CACNA1D: variants seen among roughly 807,000 people sequenced by gnomAD.
CACNA1D encodes the protein calcium voltage-gated channel subunit alpha1 D.
CACNA1D carries 55 observed loss-of-function variants against 257.1 expected under a neutral mutation model. The ratio of observed to expected loss-of-function variants is 0.21; its 90% CI spans 0.17 to 0.27. The LOEUF (loss-of-function observed/expected upper bound fraction) is 0.27, where lower values mean the gene tolerates loss of function less well. Among genes scored for constraint, CACNA1D ranks in the 10% least tolerant of loss-of-function variants. The pLI is 1.00. For synonymous variants in CACNA1D, 980 were observed against 1,014.9 expected, an observed-to-expected ratio of 0.97 and a Z score of 0.65; for missense variants, 1,876 against 2,784.0, an observed-to-expected ratio of 0.67 and a Z score of 7.34.
chr3:53,732,213 G>T (rs2095001021), intron 18 of CACNA1D, 131 bp downstream of exon 18: 1 of 733,598 alleles, frequency 1.4e-6, no homozygotes. Context: ...CAAGGCCGTG[G>T]GACCAGTTAG....
rs145596013 is a variant in CACNA1D at position 53,803,877 on chromosome 3, G to A, written c.5585+305G>A. Among the ~76,000 whole-genome samples, 900 of 152,326 alleles carry A rather than the reference G, an allele frequency of 5.9e-3. 8 individuals carry two copies. Among genetic ancestry groups the A allele is most frequent in the African/African-American group, 0.02 (841 of 41,574 alleles). ...CTGGGTTAATGCCTTTCCACCACCC[G>A]TCTTTGGAGAGATCAGTTTTTGCTG... On this transcript the variant is annotated intron_variant, in intron 44 of 47. Coordinates refer to ENST00000350061, the MANE Select transcript of CACNA1D (RefSeq NM_001128840.3).
intron 14 of CACNA1D, 78 bp downstream of exon 14, chr3:53,724,077 C>T (rs2094907846): frequency 8.7e-7 from 1 of 1,145,848 alleles, no homozygotes; most frequent in South Asian, 1.2e-5. Flanking sequence ...TCTGCTCACA[C>T]TCAGGAAGAC....
At chr3:53,532,531 A>G (rs2091982209) in intron 3 of CACNA1D, among the ~76,000 whole-genome samples, 1 of 152,178 alleles carries the variant, frequency 6.6e-6, no homozygotes, top group South Asian at 2.1e-4. Flanking sequence ...GAAGAGAATG[A>G]AGAGATGGAT....
chr3:53,641,196 T>C (rs2093946292), intron 3 of CACNA1D, among the ~76,000 whole-genome samples: 1 of 152,018 alleles, frequency 6.6e-6, no homozygotes, highest in African/African-American at 2.4e-5. Context: ...TGGTTGTTGG[T>C]AGGTTGAGTG....
intron 28 of CACNA1D, among the ~76,000 whole-genome samples, chr3:53,752,858 T>G (rs1405002732): frequency 1.3e-5 from 2 of 152,238 alleles, no homozygotes; most frequent in African/African-American, 4.8e-5. Context: ...CTACTTCTTA[T>G]TCCAGTGGGG....
chr3:53,501,217 C>T (rs992062174), intron 2 of CACNA1D, among the ~76,000 whole-genome samples: 4 of 152,208 alleles, frequency 2.6e-5, no homozygotes, highest in Non-Finnish European at 2.9e-5. Context: ...AGACATTTAT[C>T]CCATGATGAT....
intron 3 of CACNA1D, among the ~76,000 whole-genome samples, chr3:53,600,042 A>C (rs1238444470): frequency 6.6e-6 from 1 of 152,262 alleles, no homozygotes; most frequent in African/African-American, 2.4e-5. Flanking sequence ...TATTCTGCAG[A>C]TACTGAAGTA....
At chr3:53,678,011 A>T (rs2094393204) in intron 8 of CACNA1D, among the ~76,000 whole-genome samples, 1 of 152,248 alleles carries the variant, frequency 6.6e-6, no homozygotes, top group Non-Finnish European at 1.5e-5. Context: ...GGAAGGGTGC[A>T]TCTCTTCCTG....
chr3:53,686,388 T>C (rs965035095), intron 8 of CACNA1D, among the ~76,000 whole-genome samples: 1 of 152,076 alleles, frequency 6.6e-6, no homozygotes, highest in Non-Finnish European at 1.5e-5. Context: ...ACCAAAACTT[T>C]ACAAAGACAT....
chr3:53,742,034 A>C (rs1224181588), intron 21 of CACNA1D, among the ~76,000 whole-genome samples: 1 of 152,220 alleles, frequency 6.6e-6, no homozygotes, highest in Non-Finnish European at 1.5e-5. Flanking sequence ...TAAAACAAGA[A>C]GGATTCAGAA....
At chr3:53,538,851 T>TA (rs2092213684) in intron 3 of CACNA1D, among the ~76,000 whole-genome samples, 3 of 152,116 alleles carry the variant, frequency 2.0e-5, no homozygotes, top group Admixed American at 6.5e-5. Context: ...CTTTTTATAG[T>TA]AAAAACACAT....
intron 3 of CACNA1D, among the ~76,000 whole-genome samples, chr3:53,510,404 C>G (rs994116626): frequency 1.3e-5 from 2 of 152,186 alleles, no homozygotes; most frequent in African/African-American, 2.4e-5. Context: ...CTAACAACTT[C>G]ATAGTTGGTG....
At chr3:53,563,391 G>T (rs573661495) in intron 3 of CACNA1D, among the ~76,000 whole-genome samples, 1 of 152,062 alleles carries the variant, frequency 6.6e-6, no homozygotes, top group Admixed American at 6.5e-5. Flanking sequence ...AGGCGTGGTC[G>T]TGGGCGCCTG....
chr3:53,578,288 G>A (rs115701598), intron 3 of CACNA1D, among the ~76,000 whole-genome samples: 2,740 of 152,182 alleles, frequency 0.018, 78 homozygotes, highest in African/African-American at 0.062. Context: ...TCTGAGCCAG[G>A]CCTGAGGAGG....
At chr3:53,581,438 T>TCA (rs972127819) in intron 3 of CACNA1D, among the ~76,000 whole-genome samples, 4 of 152,076 alleles carry the variant, frequency 2.6e-5, no homozygotes, top group Non-Finnish European at 4.4e-5. Context: ...TACATTCACA[T>TCA]CACACACACA....
chr3:53,782,763 A>G (rs1465624842), intron 39 of CACNA1D: 1 of 152,282 alleles, frequency 6.6e-6, no homozygotes, highest in Non-Finnish European at 1.5e-5. Context: ...TAAAAGGAAG[A>G]CAAACCAACA....
At chr3:53,687,824 G>A (rs78362605) in intron 8 of CACNA1D, among the ~76,000 whole-genome samples, 9,846 of 152,108 alleles carry the variant, frequency 0.065, 483 homozygotes, top group East Asian at 0.15. Context: ...TATATGAGTA[G>A]CCAGTAAGTA....
intron 22 of CACNA1D, among the ~76,000 whole-genome samples, chr3:53,744,444 T>C (rs1559611376): frequency 6.6e-6 from 1 of 152,168 alleles, no homozygotes; most frequent in Non-Finnish European, 1.5e-5. Context: ...TACTACCTAG[T>C]ATTTACAGTG....
Position 53,762,551 on chromosome 3 carries a change from C to T in CACNA1D, c.3870+470C>T, listed in dbSNP as rs1454890936. 10 of 457,104 alleles carry T rather than the reference C, an allele frequency of 2.2e-5. No individual in the cohort carries two copies. The Admixed American group carries it at 2.3e-4, about 11-fold the overall frequency. The allele number at this position is 457,104 out of a possible 1,614,324, so 28.3% of individuals were successfully genotyped here. ...GGCTTCTGAATGCTTGCCCTAACAG[C>T]ACTATTTCACTGATGCATGGAACAC... is the stretch of plus-strand genomic sequence containing the variant. On this transcript the variant is annotated intron_variant, in intron 30 of 47. Transcript: ENST00000350061.
Sources: gnomAD v4.1 joint callset for allele counts (sites outside exome capture counted in the v4.1 genomes callset) on GRCh38, gnomAD v4.1.1 for gene constraint, MANE v1.5 for transcripts, NCBI Gene and HGNC (gene_info 2026-07-23, HGNC 2026-07-21) for gene names.